Variants in MAML3 observed in about 807,000 individuals in gnomAD.
The protein encoded by MAML3 is mastermind-like protein 3.
A neutral mutation model predicts 101.9 loss-of-function variants in MAML3; 27 were observed. The observed-to-expected ratio is 0.27, with a 90% CI of 0.20 to 0.37. MAML3 has a LOEUF of 0.37. MAML3 is among the 10% of genes least tolerant of loss of function. The probability of loss-of-function intolerance (pLI) is 1.00; values close to 1 mark genes in which losing one functional copy is unlikely to be tolerated. For synonymous variants in MAML3, 501 were observed against 555.9 expected, an observed-to-expected ratio of 0.90 and a Z score of 1.39; for missense variants, 1,316 against 1,444.9, an observed-to-expected ratio of 0.91 and a Z score of 1.45.
chr4:139,737,589 T>A (rs930319276), intron 2 of MAML3, among the ~76,000 whole-genome samples: 6 of 152,192 alleles, frequency 3.9e-5, no homozygotes, highest in Middle Eastern at 3.4e-3. Flanking sequence ...GTACCCAAAA[T>A]TGGGATGCCT....
chr4:139,771,528 C>T (rs1729980223), intron 2 of MAML3, among the ~76,000 whole-genome samples: 2 of 152,212 alleles, frequency 1.3e-5, no homozygotes, highest in African/African-American at 4.8e-5. Context: ...TTCATTCAAA[C>T]TTCAATCATT....
chr4:139,754,663 G>A lies in MAML3; in HGVS notation c.2080-23996C>T, dbSNP rs976952465. On this transcript the variant is annotated intron_variant, in intron 2 of 4. Coordinates refer to ENST00000509479, the MANE Select transcript of MAML3 (RefSeq NM_018717.5). ...GAATGTGTTTAAGGCTCCTGTTTTG[G>A]TACATATTATCAAATACCCTCTGGA... Among the ~76,000 whole-genome samples the A allele has an allele frequency of 5.9e-5, 9 of 151,926 alleles. 1 individual carries two copies. Among genetic ancestry groups the A allele is most frequent in the African/African-American group, 1.7e-4 (7 of 41,346 alleles).
intron 1 of MAML3, among the ~76,000 whole-genome samples, chr4:139,963,073 T>C (rs1734051917): frequency 6.6e-6 from 1 of 152,176 alleles, no homozygotes; most frequent in Non-Finnish European, 1.5e-5. Context: ...GCTCTTCAGA[T>C]CGTTTTGGGA....
chr4:140,119,201 T>C (rs1048146090), intron 1 of MAML3, among the ~76,000 whole-genome samples: 3 of 152,184 alleles, frequency 2.0e-5, no homozygotes, highest in Non-Finnish European at 2.9e-5. Context: ...GAAAAACCTA[T>C]TCAGTTTCCA....
chr4:140,107,095 T>G (rs1321090949), intron 1 of MAML3, among the ~76,000 whole-genome samples: 1 of 152,148 alleles, frequency 6.6e-6, no homozygotes, highest in Non-Finnish European at 1.5e-5. Flanking sequence ...GGTCTCTAAC[T>G]CCTGACCTCA....
chr4:139,881,662 A>C lies in MAML3; in HGVS notation c.2079+7695T>G, dbSNP rs75686770. 2.8e-3 allele frequency among the ~76,000 whole-genome samples: 432 copies of C among 152,344 alleles called. 4 individuals are homozygous for C. Among genetic ancestry groups the C allele is most frequent in the African/African-American group, 0.01 (416 of 41,588 alleles). Reference sequence around the variant, plus strand: ...AACAAGCATATGAAAAAATATGCTTAGGAGAAACAGACAAAGCAGGAAGCA... The same window carrying C: ...AACAAGCATATGAAAAAATATGCTTCGGAGAAACAGACAAAGCAGGAAGCA... On this transcript the variant is annotated intron_variant, in intron 2 of 4. Coordinates refer to ENST00000509479, the MANE Select transcript of MAML3 (RefSeq NM_018717.5).
At chr4:140,019,062 C>T (rs7680371) in intron 1 of MAML3, among the ~76,000 whole-genome samples, 103,716 of 149,126 alleles carry the variant, frequency 0.7, 40,060 homozygotes, top group East Asian at 0.94. Context: ...TCTTGACAAA[C>T]TTGGGTTCTA....
chr4:139,844,298 C>T (rs1160032760), intron 2 of MAML3, among the ~76,000 whole-genome samples: 1 of 152,214 alleles, frequency 6.6e-6, no homozygotes, highest in Non-Finnish European at 1.5e-5. Context: ...AGAACAGGAG[C>T]ATCCCTACTA....
intron 2 of MAML3, among the ~76,000 whole-genome samples, chr4:139,734,148 A>T (rs565495802): frequency 6.6e-4 from 100 of 152,368 alleles, no homozygotes; most frequent in African/African-American, 2.2e-3. Context: ...TGACTTACAC[A>T]TTAAGCTGGC....
At position 140,058,155 on chromosome 4, in the gene MAML3, T is replaced by C. The variant is rs139289196; in HGVS notation, c.468+94705A>G. ...TACCATACCCTTTCAAAATTAAATA[T>C]TAACAAATAATGGACAAGGAAGGAA... On this transcript the variant is annotated intron_variant, in intron 1 of 4. Coordinates refer to ENST00000509479, the MANE Select transcript of MAML3 (RefSeq NM_018717.5). Among the ~76,000 whole-genome samples, 459 of 152,322 alleles carry C rather than the reference T, an allele frequency of 3.0e-3. 2 individuals are homozygous for C. Among genetic ancestry groups the C allele is most frequent in the Admixed American group, 6.9e-3 (106 of 15,308 alleles).
At position 139,889,620 on chromosome 4, in the gene MAML3, T is replaced by C. The variant is rs1732422017; in HGVS notation, c.1816A>G (p.Thr606Ala). The C allele has an allele frequency of 6.2e-7, 1 of 1,613,830 alleles. No homozygotes were observed. Among genetic ancestry groups the C allele is most frequent in the Admixed American group, 1.7e-5 (1 of 60,008 alleles). Residue 606 changes from threonine to alanine, a missense_variant, in exon 2 of 5, where the codon ACC becomes GCC. By Grantham distance (58) the Thr-to-Ala change is moderately conservative. Transcript: ENST00000509479. ...TGACTCAGGTCTGCATTGAAGTGGG[T>C]CAGGGGTTTAGTGTTGCCATAAGTC... ...ILTYGNTKPL[T>A]HFNADLSQRM...
At chr4:139,846,428 C>G (rs896098469) in intron 2 of MAML3, among the ~76,000 whole-genome samples, 1 of 152,122 alleles carries the variant, frequency 6.6e-6, no homozygotes, top group Non-Finnish European at 1.5e-5. Flanking sequence ...CTTACTGCAG[C>G]CTCAACCTCC....
intron 1 of MAML3, among the ~76,000 whole-genome samples, chr4:139,954,520 C>T (rs1159817449): frequency 2.0e-5 from 3 of 152,150 alleles, no homozygotes; most frequent in African/African-American, 7.2e-5. Context: ...TTCCAGAATG[C>T]ACGGAGTGGG....
intron 1 of MAML3, among the ~76,000 whole-genome samples, chr4:139,963,237 A>C (rs894553136): frequency 6.6e-6 from 1 of 152,202 alleles, no homozygotes; most frequent in African/African-American, 2.4e-5. Flanking sequence ...TGGGCAACAT[A>C]GCGAGACCCC....
chr4:140,136,744 C>A (rs750945050), intron 1 of MAML3, among the ~76,000 whole-genome samples: 21 of 152,036 alleles, frequency 1.4e-4, no homozygotes, highest in Non-Finnish European at 2.8e-4. Flanking sequence ...GGTCACTTCC[C>A]CAAATGTATG....
At chr4:139,724,391 G>A (rs1001780133) in intron 4 of MAML3, among the ~76,000 whole-genome samples, 3 of 152,160 alleles carry the variant, frequency 2.0e-5, no homozygotes, top group Non-Finnish European at 4.4e-5. Context: ...TTTTGAAAAT[G>A]TTGGTTGTGA....
At chr4:139,964,381 T>G (rs566185410) in intron 1 of MAML3, among the ~76,000 whole-genome samples, 3 of 151,958 alleles carry the variant, frequency 2.0e-5, no homozygotes, top group Non-Finnish European at 4.4e-5. Flanking sequence ...TAAGTGGAAG[T>G]TGAACAATGA....
chr4:140,009,341 T>A (rs1281747272), intron 1 of MAML3, among the ~76,000 whole-genome samples: 1 of 152,188 alleles, frequency 6.6e-6, no homozygotes, highest in Non-Finnish European at 1.5e-5. Flanking sequence ...TAATTTTCTA[T>A]AGGACAAGCT....
At chr4:139,910,911 C>G (rs1732904256) in intron 1 of MAML3, among the ~76,000 whole-genome samples, 1 of 152,156 alleles carries the variant, frequency 6.6e-6, no homozygotes, top group African/African-American at 2.4e-5. Context: ...AATTTACCAT[C>G]TTAGCCATTT....
Sources: gnomAD v4.1 joint callset for allele counts (sites outside exome capture counted in the v4.1 genomes callset) on GRCh38, gnomAD v4.1.1 for gene constraint, MANE v1.5 for transcripts, NCBI Gene and HGNC (gene_info 2026-07-23, HGNC 2026-07-21) for gene names.